The following CNTN6 variants were observed in gnomAD, a reference collection of about 807,000 sequenced individuals.
CNTN6 encodes contactin 6, also known as contactin-6.
Under a neutral mutation model 122.8 loss-of-function variants are expected in CNTN6, and 137 were observed. The observed-to-expected ratio is 1.12, with a 90% CI of 0.97 to 1.29. CNTN6 has a LOEUF of 1.29. Ranked by LOEUF, CNTN6 falls within the 50% of genes most tolerant of loss-of-function variation. CNTN6 has a pLI of 0.00. For synonymous variants in CNTN6, 570 were observed against 426.0 expected (o/e 1.34, Z -4.16); for missense variants, 1,634 against 1,223.4 (o/e 1.34, Z -5.01).
chr3:1,383,157 T>C lies in CNTN6; in HGVS notation c.2382T>C (p.Ile794=), dbSNP rs758586105. The change falls in exon 18 of 23, where the codon ATT becomes ATC. Residue 794 remains isoleucine, a synonymous_variant. Transcript: ENST00000446702. The stretch of plus-strand genomic sequence containing the variant: ...AAGGATCCCTGAGTACTGTGACCAT[T>C]GTCTACTCTGGGGAAGATGGTAAGT... ...EGEGSLSTVT[I]VYSGEDEPQL... The C allele has an allele frequency of 1.2e-5, 19 of 1,613,080 alleles. No homozygotes were observed. Among genetic ancestry groups the C allele is most frequent in the Non-Finnish European group, 1.5e-5 (18 of 1,179,212 alleles).
At chr3:1,375,202 G>C (rs560391800) in intron 16 of CNTN6, among the ~76,000 whole-genome samples, 28 of 152,202 alleles carry the variant, frequency 1.8e-4, no homozygotes, top group African/African-American at 6.7e-4. Flanking sequence ...ATGAGCTTTA[G>C]TTTCAGGTTG....
At chr3:1,392,074 C>G (rs1694235031) in intron 20 of CNTN6, among the ~76,000 whole-genome samples, 1 of 152,200 alleles carries the variant, frequency 6.6e-6, no homozygotes, top group African/African-American at 2.4e-5. Flanking sequence ...TCATATGGAA[C>G]CAAAAAAGAG....
chr3:1,264,960 G>A (rs1449394643), intron 4 of CNTN6, among the ~76,000 whole-genome samples: 1 of 149,634 alleles, frequency 6.7e-6, no homozygotes, highest in Non-Finnish European at 1.5e-5. Context: ...AGATCATTTG[G>A]TATTTGTCAT....
Position 1,329,772 on chromosome 3 carries a change from A to C in CNTN6, c.1214-13A>C, listed in dbSNP as rs1403371595. The C allele has an allele frequency of 1.2e-6, 2 of 1,600,046 alleles. No homozygotes were observed. Among genetic ancestry groups the C allele is most frequent in the Non-Finnish European group, 1.7e-6 (2 of 1,173,482 alleles). ...GAGTAATTAAACAATTTTGTCTTTG[A>C]TTTTGTTTTTAGCCTCAGCTCCAGA... On this transcript the variant is annotated splice_polypyrimidine_tract_variant and intron_variant, in intron 10 of 22. Transcript: ENST00000446702.
intron 11 of CNTN6, among the ~76,000 whole-genome samples, chr3:1,350,799 A>T (rs929799247): frequency 2.6e-5 from 4 of 151,814 alleles, no homozygotes; most frequent in African/African-American, 7.3e-5. Flanking sequence ...GTGTTGCTCA[A>T]TATTCCTAGT....
At chr3:1,279,883 G>A (rs565298125) in intron 5 of CNTN6, among the ~76,000 whole-genome samples, 1 of 152,314 alleles carries the variant, frequency 6.6e-6, no homozygotes, top group South Asian at 2.1e-4. Flanking sequence ...TTATTAGAGA[G>A]TATTATGGCA....
chr3:1,333,768 A>G (rs1702654461), intron 11 of CNTN6, among the ~76,000 whole-genome samples: 1 of 152,186 alleles, frequency 6.6e-6, no homozygotes, highest in South Asian at 2.1e-4. Context: ...ATATATTTTG[A>G]CAATTTCTTC....
At chr3:1,168,733 C>A (rs2093306098) in intron 2 of CNTN6, among the ~76,000 whole-genome samples, 1 of 151,994 alleles carries the variant, frequency 6.6e-6, no homozygotes, top group African/African-American at 2.4e-5. Flanking sequence ...TGAACTCAAG[C>A]ACACATATAT....
Position 1,384,820 on chromosome 3 carries a change from T to C in CNTN6, c.2518-791T>C, listed in dbSNP as rs113046853. Among the ~76,000 whole-genome samples, 118 of 146,944 alleles carry C rather than the reference T, an allele frequency of 8.0e-4. 4 individuals are homozygous for C. Among genetic ancestry groups the C allele is most frequent in the African/African-American group, 2.7e-3 (108 of 40,088 alleles). ...ATACACACACACACACACATATATA[T>C]ATATATATATAACCATAATCCTCTG... On this transcript the variant is annotated intron_variant, in intron 19 of 22. Coordinates refer to ENST00000446702, the MANE Select transcript of CNTN6 (RefSeq NM_001289080.2).
At chr3:1,315,450 T>G (rs1402817135) in intron 7 of CNTN6, among the ~76,000 whole-genome samples, 9 of 151,920 alleles carry the variant, frequency 5.9e-5, no homozygotes, top group African/African-American at 1.9e-4. Flanking sequence ...AACTGGCAGG[T>G]AATAATTTAG....
chr3:1,287,846 GGA>G (rs1368825732), intron 5 of CNTN6, among the ~76,000 whole-genome samples: 2 of 152,234 alleles, frequency 1.3e-5, no homozygotes, highest in Non-Finnish European at 2.9e-5. Flanking sequence ...TTCAGTCCTG[GGA>G]ATTCTCCTCC....
chr3:1,123,330 A>G (rs1239718463), intron 1 of CNTN6, among the ~76,000 whole-genome samples: 1 of 151,748 alleles, frequency 6.6e-6, no homozygotes, highest in African/African-American at 2.4e-5. Context: ...TGTCAGCAAT[A>G]TTTTCTAGTT....
At chr3:1,390,616 C>T (rs1693979973) in intron 20 of CNTN6, among the ~76,000 whole-genome samples, 1 of 152,024 alleles carries the variant, frequency 6.6e-6, no homozygotes, top group Non-Finnish European at 1.5e-5. Flanking sequence ...TTAATGAATC[C>T]AGGAGCTGGT....
chr3:1,280,109 C>G (rs1041034280), intron 5 of CNTN6, among the ~76,000 whole-genome samples: 1 of 152,152 alleles, frequency 6.6e-6, no homozygotes, highest in Non-Finnish European at 1.5e-5. Context: ...ATTTTATGCT[C>G]TTACGATGTT....
At position 1,370,134 on chromosome 3, in the gene CNTN6, AAAAG is replaced by A. The variant is rs1176072719; in HGVS notation, c.1493-2158_1493-2155del. On this transcript the variant is annotated intron_variant, in intron 12 of 22. Transcript: ENST00000446702. ...GATTAGAATCCAATAAGATCCAAAA[AAAAG>A]AAAGAACCCAATAAGATCCATACAT... Among the ~76,000 whole-genome samples, 4 of 152,088 alleles carry A rather than the reference AAAAG, an allele frequency of 2.6e-5. No homozygotes were observed. The East Asian group carries it at 7.7e-4, about 29-fold the overall frequency.
chr3:1,204,932 T>C (rs1031520630), intron 2 of CNTN6, among the ~76,000 whole-genome samples: 3 of 152,048 alleles, frequency 2.0e-5, no homozygotes, highest in Admixed American at 6.6e-5. Context: ...TGTGAATCTG[T>C]TAGATTACAA....
intron 4 of CNTN6, among the ~76,000 whole-genome samples, chr3:1,241,377 T>A (rs1392613308): frequency 2.0e-5 from 3 of 151,924 alleles, no homozygotes; most frequent in Admixed American, 2.0e-4. Context: ...AGGGGCAGTG[T>A]GGGAACCTAG....
intron 11 of CNTN6, among the ~76,000 whole-genome samples, chr3:1,350,849 T>C (rs989703651): frequency 3.3e-5 from 5 of 151,858 alleles, no homozygotes; most frequent in African/African-American, 1.2e-4. Context: ...CAAAAGCTTC[T>C]CACATTTACC....
chr3:1,245,020 T>C (rs1446914211), intron 4 of CNTN6, among the ~76,000 whole-genome samples: 1 of 149,250 alleles, frequency 6.7e-6, no homozygotes, highest in East Asian at 2.0e-4. Context: ...CTTCAGTTAC[T>C]TCAGGCCATC....
Sources: allele counts gnomAD v4.1 joint callset (sites outside exome capture counted in the v4.1 genomes callset), GRCh38; gene constraint gnomAD v4.1.1; transcripts MANE v1.5; gene names NCBI Gene and HGNC (gene_info 2026-07-23, HGNC 2026-07-21).